The following C11orf65 variants were observed in gnomAD, a reference collection of about 807,000 sequenced individuals.
The protein encoded by C11orf65 is protein MFI.
In C11orf65, 38 loss-of-function variants were observed where a neutral mutation model predicts 35.3. That is an observed-to-expected ratio of 1.08 (90% CI 0.83 to 1.41). The LOEUF (loss-of-function observed/expected upper bound fraction) is 1.41. C11orf65 is among the 40% of genes most tolerant of loss of function. C11orf65 has a pLI of 0.00. For synonymous variants in C11orf65, 105 were observed against 114.4 expected (o/e 0.92, Z 0.53); for missense variants, 370 against 367.1 (o/e 1.01, Z -0.06).
intron 2 of C11orf65, among the ~76,000 whole-genome samples, chr11:108,344,033 A>G (rs1379352705): frequency 6.6e-6 from 1 of 152,218 alleles, no homozygotes; most frequent in Non-Finnish European, 1.5e-5. Flanking sequence ...TGAGAAGTTC[A>G]GAGAACTTGC....
At chr11:108,331,914 C>A (rs908781160) in intron 3 of C11orf65, 3 of 1,613,984 alleles carry the variant, frequency 1.9e-6, no homozygotes, top group Non-Finnish European at 2.5e-6. Context: ...ACCCCCATCA[C>A]ACTTTGTTTA....
Position 108,467,360 on chromosome 11 carries a change from G to C in C11orf65, c.-10+111C>G, listed in dbSNP as rs533902572. On this transcript the variant is annotated intron_variant, in intron 1 of 8. Coordinates refer to ENST00000393084, the MANE Select transcript of C11orf65 (RefSeq NM_152587.5). Reference sequence around the variant, plus strand: ...AGGGGCGGATGGGGAATGGTATCAAGGGTATGGGTTCTTTAGGGCCTTGAA... The same window carrying C: ...AGGGGCGGATGGGGAATGGTATCAACGGTATGGGTTCTTTAGGGCCTTGAA... 1.2e-3 allele frequency: 190 copies of C among 152,528 alleles called. 1 individual carries two copies. The highest frequency in any genetic ancestry group is 2.1e-3 in the Non-Finnish European group (145 of 68,190). 9.4% of individuals were successfully genotyped at this position (152,528 alleles called of 1,614,324 possible).
chr11:108,334,021 T>G, intron 3 of C11orf65: 1 of 1,366,516 alleles, frequency 7.3e-7, no homozygotes, highest in Non-Finnish European at 1.0e-6. Flanking sequence ...TTTTATTAGA[T>G]TGAACCATTT....
intron 3 of C11orf65, among the ~76,000 whole-genome samples, chr11:108,409,635 A>T (rs1267130360): frequency 6.6e-6 from 1 of 152,140 alleles, no homozygotes; most frequent in Non-Finnish European, 1.5e-5. Context: ...ACTCTACAGC[A>T]GGGGTCCCCA....
intron 3 of C11orf65, among the ~76,000 whole-genome samples, chr11:108,427,149 A>C (rs1271641398): frequency 6.6e-6 from 1 of 152,184 alleles, no homozygotes; most frequent in East Asian, 1.9e-4. Flanking sequence ...CATGATTAAA[A>C]CACCAAAAGC....
Position 108,383,119 on chromosome 11 carries a change from T to C in C11orf65, c.844A>G (p.Lys282Glu), listed in dbSNP as rs1299176196. Residue 282 changes from lysine (K) to glutamate (E), a missense_variant, in exon 9 of 9, where the codon AAG becomes GAG. Physicochemically the swap from Lys to Glu is moderately conservative, Grantham distance 56 (BLOSUM62 1). Coordinates refer to ENST00000393084, the MANE Select transcript of C11orf65 (RefSeq NM_152587.5). ...NIYNYGGDISKMQMGIPDDTY... is the reference protein window; with the variant it reads ...NIYNYGGDISEMQMGIPDDTY... ...TCATCTGGTATTCCCATTTGCATCT[T>C]TGATATGTCTCCTCCATAGTTATAT... 6.2e-7 allele frequency: 1 copy of C among 1,612,290 alleles called. No individual in the cohort carries two copies. Among genetic ancestry groups the C allele is most frequent in the East Asian group, 2.2e-5 (1 of 44,824 alleles).
chr11:108,362,796 T>G, intron 2 of C11orf65, among the ~76,000 whole-genome samples: 2 of 99,496 alleles, frequency 2.0e-5, no homozygotes, highest in East Asian at 6.8e-4. Flanking sequence ...CTGGGGACTG[T>G]GGTGGGGTGG....
chr11:108,338,174 C>A (rs1171575060), intron 2 of C11orf65, among the ~76,000 whole-genome samples: 1 of 152,110 alleles, frequency 6.6e-6, no homozygotes, highest in East Asian at 1.9e-4. Flanking sequence ...CATGGCCAAA[C>A]CCCATCTCTA....
At chr11:108,383,598 T>C (rs1266274886) in intron 8 of C11orf65, among the ~76,000 whole-genome samples, 1 of 152,206 alleles carries the variant, frequency 6.6e-6, no homozygotes, top group Non-Finnish European at 1.5e-5. Flanking sequence ...AACTTCTTCA[T>C]TCACAAAGGG....
chr11:108,343,978 C>A (rs1041820994), intron 2 of C11orf65, among the ~76,000 whole-genome samples: 6 of 152,118 alleles, frequency 3.9e-5, no homozygotes, highest in African/African-American at 1.2e-4. Flanking sequence ...TCACAAATAT[C>A]AAATATTACG....
At chr11:108,436,671 T>C (rs2093064238) in intron 2 of C11orf65, among the ~76,000 whole-genome samples, 1 of 152,178 alleles carries the variant, frequency 6.6e-6, no homozygotes, top group South Asian at 2.1e-4. Context: ...AGACACATCA[T>C]AATCAAACTG....
intron 2 of C11orf65, among the ~76,000 whole-genome samples, chr11:108,358,524 A>C (rs1223201690): frequency 4.2e-5 from 6 of 144,338 alleles, no homozygotes; most frequent in Admixed American, 1.4e-4. Context: ...TGAAGGAAAA[A>C]ATGTTAAGGG....
intron 2 of C11orf65, among the ~76,000 whole-genome samples, chr11:108,456,978 C>G (rs1270463187): frequency 6.6e-6 from 1 of 151,970 alleles, no homozygotes; most frequent in Non-Finnish European, 1.5e-5. Flanking sequence ...CCAGAGAATA[C>G]TTATAACGTA....
At chr11:108,335,391 CT>C in intron 2 of C11orf65, 1 of 865,064 alleles carries the variant, frequency 1.2e-6, no homozygotes, top group Non-Finnish European at 1.6e-6. Flanking sequence ...AAAAAAAATA[CT>C]TTGGTGTCTG....
chr11:108,366,698 G>A (rs1457287827), intron 2 of C11orf65: 6 of 231,252 alleles, frequency 2.6e-5, no homozygotes, highest in African/African-American at 1.1e-4. Flanking sequence ...AATACTGATA[G>A]GAGATTTCCC....
rs587779877 is a variant in C11orf65 at position 108,365,431 on chromosome 11, G to C, written c.226+27777C>G. The C allele has an allele frequency of 1.1e-5, 17 of 1,614,070 alleles. No individual in the cohort carries two copies. Among genetic ancestry groups the C allele is most frequent in the South Asian group, 2.2e-5 (2 of 91,090 alleles). The stretch of plus-strand genomic sequence containing the variant: ...CACTGTGCTCAGTGTTGGTGGACAA[G>C]TGAATTTGCTCATACAGCAGGCCAT... On this transcript the variant is annotated intron_variant, in intron 2 of 3. Coordinates refer to the C11orf65 transcript ENST00000524755.
chr11:108,341,891 A>G (rs1488170104), intron 2 of C11orf65, among the ~76,000 whole-genome samples: 1 of 152,188 alleles, frequency 6.6e-6, no homozygotes, highest in African/African-American at 2.4e-5. Flanking sequence ...CGGTACAGTC[A>G]CTTTGAATAG....
chr11:108,445,602 C>T (rs1248231504), intron 2 of C11orf65, among the ~76,000 whole-genome samples: 1 of 152,036 alleles, frequency 6.6e-6, no homozygotes, highest in African/African-American at 2.4e-5. Flanking sequence ...AAAGGACATC[C>T]ACACCAAAAA....
rs750095790 is a variant in C11orf65, at chr11:108,333,983, ACT to A, written c.299+1235_299+1236del. 3 of 1,579,256 alleles carry A rather than the reference ACT, an allele frequency of 1.9e-6. No homozygotes were observed. The highest frequency in any genetic ancestry group is 2.7e-5 in the African/African-American group (2 of 74,016). ...TGGAAATTAAGGTAATTTGCAATTA[ACT>A]CTTGATTTTTTTTAAACTAAATTTT... On this transcript the variant is annotated intron_variant, in intron 3 of 3. Coordinates refer to the C11orf65 transcript ENST00000524755.
Sources: allele counts gnomAD v4.1 joint callset (sites outside exome capture counted in the v4.1 genomes callset), GRCh38; gene constraint gnomAD v4.1.1; transcripts MANE v1.5; gene names NCBI Gene and HGNC (gene_info 2026-07-23, HGNC 2026-07-21).